Variants in ADAMTSL1 observed in about 807,000 individuals in gnomAD.
ADAMTSL1 encodes the protein ADAMTS like 1, also known as ADAMTS-like protein 1.
A neutral mutation model predicts 201.8 loss-of-function variants in ADAMTSL1; 126 were observed. The observed-to-expected ratio is 0.62, with a 90% CI of 0.54 to 0.72. The LOEUF is 0.72. Ranked by LOEUF, ADAMTSL1 falls within the 30% of genes least tolerant of loss-of-function variation. ADAMTSL1 has a pLI of 0.00. For missense variants in ADAMTSL1, 2,679 were observed against 2,277.8 expected, an observed-to-expected ratio of 1.18 and a Z score of -3.59; for synonymous variants, 1,121 against 903.4, an observed-to-expected ratio of 1.24 and a Z score of -4.32.
intron 3 of ADAMTSL1, among the ~76,000 whole-genome samples, chr9:18,569,384 G>A (rs955085378): frequency 5.3e-5 from 8 of 152,174 alleles, no homozygotes; most frequent in Non-Finnish European, 1.2e-4. Flanking sequence ...ATATTAAATG[G>A]CTAAATACAG....
intron 2 of ADAMTSL1, among the ~76,000 whole-genome samples, chr9:18,199,755 G>A (rs1472612038): frequency 6.6e-6 from 1 of 152,042 alleles, no homozygotes; most frequent in African/African-American, 2.4e-5. Flanking sequence ...ATCCTCCAAG[G>A]TAGTTTGGTA....
At chr9:18,844,769 C>T (rs941552261) in intron 23 of ADAMTSL1, among the ~76,000 whole-genome samples, 2 of 152,238 alleles carry the variant, frequency 1.3e-5, no homozygotes, top group African/African-American at 2.4e-5. Flanking sequence ...AGCCTTGCTG[C>T]CGCATTGCAG....
chr9:18,684,572 C>T, intron 12 of ADAMTSL1, 144 bp from the exon 13 acceptor site: 2 of 789,392 alleles, frequency 2.5e-6, no homozygotes, highest in South Asian at 2.7e-5. Context: ...TAGATATAAC[C>T]ATCATCAGAG....
intron 2 of ADAMTSL1, among the ~76,000 whole-genome samples, chr9:18,168,882 A>G (rs1036033998): frequency 8.0e-5 from 12 of 150,378 alleles, no homozygotes; most frequent in African/African-American, 1.5e-4. Context: ...GCCAGTGATG[A>G]TGAGCATTTT....
intron 1 of ADAMTSL1, among the ~76,000 whole-genome samples, chr9:17,972,561 T>C (rs1167462504): frequency 6.6e-6 from 1 of 151,952 alleles, no homozygotes; most frequent in African/African-American, 2.4e-5. Flanking sequence ...TCCAGTCTAC[T>C]GTTGTTGGAC....
chr9:18,079,445 G>A (rs368973011), intron 1 of ADAMTSL1, among the ~76,000 whole-genome samples: 2 of 152,018 alleles, frequency 1.3e-5, no homozygotes, highest in South Asian at 2.1e-4. Context: ...TTGGGAGGCC[G>A]AGGTGGGCGG....
rs368097925 is a variant in ADAMTSL1, at chr9:18,721,035, GC to G, written c.1877-500del. Among the ~76,000 whole-genome samples the G allele has an allele frequency of 1.6e-3, 250 of 152,302 alleles. 1 individual carries two copies. Among genetic ancestry groups the G allele is most frequent in the African/African-American group, 4.5e-3 (186 of 41,570 alleles). The stretch of plus-strand genomic sequence containing the variant: ...ATGAACCAGAATCAGAAGGCAAACA[GC>G]AAAGACTGGAGTCCTAGATTCAAGA... On this transcript the variant is annotated intron_variant, in intron 14 of 28. Transcript: ENST00000380548.
intron 1 of ADAMTSL1, among the ~76,000 whole-genome samples, chr9:17,962,363 T>A (rs1373481706): frequency 1.3e-5 from 2 of 152,156 alleles, no homozygotes; most frequent in African/African-American, 2.4e-5. Flanking sequence ...TGTTTTACAT[T>A]TTTTATCTCC....
chr9:18,034,628 C>T (rs1331528886), intron 1 of ADAMTSL1, among the ~76,000 whole-genome samples: 1 of 152,066 alleles, frequency 6.6e-6, no homozygotes, highest in South Asian at 2.1e-4. Flanking sequence ...TGACAGTTTT[C>T]TCTCCTTCTC....
intron 2 of ADAMTSL1, among the ~76,000 whole-genome samples, chr9:18,169,836 T>C (rs1256247326): frequency 1.3e-5 from 2 of 152,232 alleles, no homozygotes; most frequent in East Asian, 1.9e-4. Context: ...ACTAGTTTTA[T>C]GCAAAGGAGA....
chr9:18,540,228 T>A (rs1820042641), intron 3 of ADAMTSL1, among the ~76,000 whole-genome samples: 1 of 152,216 alleles, frequency 6.6e-6, no homozygotes, highest in Admixed American at 6.5e-5. Flanking sequence ...AGAAAGATAA[T>A]GCCCCTGTTC....
intron 2 of ADAMTSL1, among the ~76,000 whole-genome samples, chr9:18,466,135 G>A (rs941627053): frequency 6.6e-6 from 1 of 152,072 alleles, no homozygotes. Context: ...TTTATCCTTG[G>A]GACCCTGTGC....
intron 1 of ADAMTSL1, among the ~76,000 whole-genome samples, chr9:17,947,775 A>C (rs1387149542): frequency 2.0e-5 from 3 of 152,176 alleles, no homozygotes; most frequent in Non-Finnish European, 4.4e-5. Flanking sequence ...GCATTGCTTC[A>C]TTTTTCTTAT....
intron 2 of ADAMTSL1, among the ~76,000 whole-genome samples, chr9:18,358,692 G>T (rs1031722794): frequency 6.6e-6 from 1 of 152,222 alleles, no homozygotes; most frequent in Non-Finnish European, 1.5e-5. Context: ...CCATGGTATT[G>T]CATGTATCCA....
In ADAMTSL1 at chr9:18,421,259, A is replaced by T. The variant is rs562324252; in HGVS notation, c.208-83570A>T. ...TATAAAAGTAATATCCCATTGGTAA[A>T]TATAGTATTGCATTTGAGTAACTCT... On this transcript the variant is annotated intron_variant, in intron 2 of 29. Transcript: ENST00000680146. 2.0e-5 allele frequency among the ~76,000 whole-genome samples: 3 copies of T among 152,324 alleles called. No individual in the cohort carries two copies. In the South Asian group the frequency reaches 6.2e-4, roughly 32 times the overall value.
At chr9:17,945,468 A>G (rs1827421717) in intron 1 of ADAMTSL1, among the ~76,000 whole-genome samples, 1 of 150,306 alleles carries the variant, frequency 6.7e-6, no homozygotes, top group Non-Finnish European at 1.5e-5. Context: ...ATTACTGGGT[A>G]TATACCCAAA....
At chr9:18,160,495 A>C (rs1827335327) in intron 1 of ADAMTSL1, among the ~76,000 whole-genome samples, 1 of 152,004 alleles carries the variant, frequency 6.6e-6, no homozygotes, top group African/African-American at 2.4e-5. Flanking sequence ...AACACCACTG[A>C]ACCATAAGAT....
intron 2 of ADAMTSL1, among the ~76,000 whole-genome samples, chr9:18,222,190 A>G (rs1260143014): frequency 1.3e-5 from 2 of 151,938 alleles, no homozygotes; most frequent in African/African-American, 4.8e-5. Context: ...TCCTTTGTGT[A>G]TAACATATAG....
At chr9:18,470,601 C>T (rs1034098621), upstream of ADAMTSL1, among the ~76,000 whole-genome samples, 3 of 152,150 alleles carry the variant, frequency 2.0e-5, no homozygotes, top group South Asian at 6.2e-4. Flanking sequence ...ACACTGGTTT[C>T]TGCAGCTGAC....
Sources: allele counts gnomAD v4.1 joint callset (sites outside exome capture counted in the v4.1 genomes callset), GRCh38; gene constraint gnomAD v4.1.1; transcripts MANE v1.5; gene names NCBI Gene and HGNC (gene_info 2026-07-23, HGNC 2026-07-21).